Variants in KLHL29 observed in about 807,000 individuals in gnomAD.
KLHL29 encodes kelch like family member 29, also known as kelch-like protein 29.
In KLHL29, 21 loss-of-function variants were observed where a neutral mutation model predicts 80.4. The observed-to-expected ratio is 0.26, with a 90% CI of 0.19 to 0.38. The LOEUF (loss-of-function observed/expected upper bound fraction) is 0.38. KLHL29 is among the 10% of genes least tolerant of loss of function. The pLI is 1.00. For synonymous variants in KLHL29, 511 were observed against 526.8 expected (o/e 0.97, Z 0.41); for missense variants, 867 against 1,223.9 (o/e 0.71, Z 4.35).
chr2:23,506,524 A>G (rs1261520555), intron 2 of KLHL29, among the ~76,000 whole-genome samples: 1 of 152,150 alleles, frequency 6.6e-6, no homozygotes, highest in Non-Finnish European at 1.5e-5. Context: ...CCGCCTTGCC[A>G]GGGACAAGGA....
chr2:23,675,903 C>A (rs539079042), intron 5 of KLHL29, among the ~76,000 whole-genome samples: 11 of 152,238 alleles, frequency 7.2e-5, no homozygotes, highest in African/African-American at 2.2e-4. Flanking sequence ...TGTGATCTAA[C>A]CCCCTAGCAC....
chr2:23,705,648 T>C (rs1030197977), intron 13 of KLHL29, among the ~76,000 whole-genome samples: 3 of 152,104 alleles, frequency 2.0e-5, no homozygotes, highest in African/African-American at 7.2e-5. Flanking sequence ...CAGGGTCTGG[T>C]AAGAAGTCCA....
intron 2 of KLHL29, among the ~76,000 whole-genome samples, chr2:23,478,945 C>T (rs140606473): frequency 2.6e-5 from 4 of 151,986 alleles, no homozygotes; most frequent in East Asian, 1.9e-4. Context: ...ATCCTGCAGG[C>T]GTCCTCTCTG....
intron 3 of KLHL29, among the ~76,000 whole-genome samples, chr2:23,636,127 T>G (rs1669601591): frequency 6.6e-6 from 1 of 152,186 alleles, no homozygotes; most frequent in African/African-American, 2.4e-5. Context: ...ATGGGTTTAC[T>G]GAGGGCCTGG....
At chr2:23,435,700 C>A (rs1055769816) in intron 1 of KLHL29, among the ~76,000 whole-genome samples, 8 of 152,174 alleles carry the variant, frequency 5.3e-5, no homozygotes, top group Admixed American at 1.3e-4. Flanking sequence ...ACATCACCCT[C>A]TGCCTTTTTC....
At chr2:23,652,311 C>T (rs1321177932) in intron 5 of KLHL29, among the ~76,000 whole-genome samples, 2 of 152,218 alleles carry the variant, frequency 1.3e-5, no homozygotes, top group Non-Finnish European at 2.9e-5. Context: ...GGGAGGGAAC[C>T]TACCGTCACC....
At position 23,562,586 on chromosome 2, in the gene KLHL29, C is replaced by T. The variant is rs980684821; in HGVS notation, c.285+105C>T. ...CTCCTGTGGGGCAGCCTGTGCTCCA[C>T]GCCCCGAGTCCTCCAGAGTCTTGTC... On this transcript the variant is annotated intron_variant, in intron 3 of 13. Transcript: ENST00000486442. This position sits in a 1 kb window ranked among gnomAD's most constrained non-coding sequence, Gnocchi z 4.5. 1.6e-5 allele frequency: 18 copies of T among 1,145,052 alleles called. No homozygotes were observed. Among genetic ancestry groups the T allele is most frequent in the Middle Eastern group, 5.9e-4 (2 of 3,402 alleles). 70.9% of individuals were successfully genotyped at this position (1,145,052 alleles called of 1,614,324 possible).
At chr2:23,585,753 C>G (rs1036633578) in intron 3 of KLHL29, among the ~76,000 whole-genome samples, 1 of 152,072 alleles carries the variant, frequency 6.6e-6, no homozygotes, top group Non-Finnish European at 1.5e-5. Flanking sequence ...AGGGCGGTGT[C>G]GGAGGCTCCA....
In KLHL29 at chr2:23,557,118, G is replaced by A. The variant is rs143712612; in HGVS notation, c.-45-5034G>A. Among the ~76,000 whole-genome samples the A allele has an allele frequency of 4.9e-3, 739 of 152,270 alleles. 5 individuals carry two copies. The highest frequency in any genetic ancestry group is 0.017 in the African/African-American group (707 of 41,548). ...AGGAAGCTTTGTGATGTGTTTTGTC[G>A]GTAATTGCTTGACCAGTCTCGTCTA... On this transcript the variant is annotated intron_variant, in intron 2 of 13. Coordinates refer to ENST00000486442, the MANE Select transcript of KLHL29 (RefSeq NM_052920.2).
chr2:23,567,493 A>G (rs1241501184), intron 3 of KLHL29, among the ~76,000 whole-genome samples: 1 of 152,200 alleles, frequency 6.6e-6, no homozygotes, highest in Non-Finnish European at 1.5e-5. Flanking sequence ...GGGTTTTGAC[A>G]TTTATGAGCA....
At chr2:23,449,432 C>G (rs1663803143) in intron 1 of KLHL29, among the ~76,000 whole-genome samples, 2 of 152,170 alleles carry the variant, frequency 1.3e-5, no homozygotes, top group Non-Finnish European at 2.9e-5. Context: ...GCTGGTTCTT[C>G]TCAGCTGGGT....
intron 2 of KLHL29, among the ~76,000 whole-genome samples, chr2:23,521,711 G>T (rs1666109153): frequency 1.3e-5 from 2 of 152,202 alleles, no homozygotes; most frequent in Non-Finnish European, 2.9e-5. Context: ...GGAAACAGAG[G>T]CTCAGTTTCA....
At chr2:23,645,446 G>C (rs1171197558) in intron 5 of KLHL29, among the ~76,000 whole-genome samples, 1 of 151,884 alleles carries the variant, frequency 6.6e-6, no homozygotes, top group East Asian at 1.9e-4. Flanking sequence ...ACACAAGTCA[G>C]AACTCCACTT....
intron 5 of KLHL29, among the ~76,000 whole-genome samples, chr2:23,664,101 C>T (rs185558645): frequency 1.2e-4 from 18 of 152,312 alleles, no homozygotes; most frequent in African/African-American, 2.2e-4. Flanking sequence ...TAAAACATTG[C>T]GCCTACAACT....
At chr2:23,484,045 G>A (rs759299271) in intron 2 of KLHL29, among the ~76,000 whole-genome samples, 8 of 152,214 alleles carry the variant, frequency 5.3e-5, no homozygotes, top group South Asian at 4.2e-4. Flanking sequence ...AAGGAGTCAC[G>A]TATGGGCTGC....
chr2:23,634,553 T>A (rs1028406247), intron 3 of KLHL29, among the ~76,000 whole-genome samples: 1 of 152,158 alleles, frequency 6.6e-6, no homozygotes. Context: ...TGCTGTGTTC[T>A]AGTTTCTCCA....
At chr2:23,701,864 G>T (rs560997686) in intron 11 of KLHL29, among the ~76,000 whole-genome samples, 1 of 143,818 alleles carries the variant, frequency 7.0e-6, no homozygotes, top group Non-Finnish European at 1.5e-5. Context: ...GCAATGGCGC[G>T]ATCTTGGCTC....
chr2:23,620,446 C>T (rs1669145114), intron 3 of KLHL29, among the ~76,000 whole-genome samples: 1 of 152,112 alleles, frequency 6.6e-6, no homozygotes, highest in Admixed American at 6.5e-5. Context: ...GCCAGGGCTG[C>T]TAGAGGAAAT....
At chr2:23,589,615 C>T (rs751743283) in intron 3 of KLHL29, among the ~76,000 whole-genome samples, 8 of 152,210 alleles carry the variant, frequency 5.3e-5, no homozygotes, top group Admixed American at 5.2e-4. Flanking sequence ...TCCTGCCACC[C>T]CTGTTGGCTA....
Sources: gnomAD v4.1 joint callset for allele counts (sites outside exome capture counted in the v4.1 genomes callset) on GRCh38, gnomAD v4.1.1 for gene constraint, Gnocchi (gnomAD v3.1) non-coding constraint, MANE v1.5 for transcripts, NCBI Gene and HGNC (gene_info 2026-07-23, HGNC 2026-07-21) for gene names.